Variants in CSMD1 observed in about 807,000 individuals in gnomAD.
CSMD1 encodes CUB and sushi domain-containing protein 1.
Under a neutral mutation model 417.5 loss-of-function variants are expected in CSMD1, and 213 were observed. That is an observed-to-expected ratio of 0.51 (90% CI 0.46 to 0.57). The LOEUF is 0.57. Among genes scored for constraint, CSMD1 ranks in the 20% least tolerant of loss-of-function variants. CSMD1 has a pLI of 0.00. For synonymous variants in CSMD1, 2,862 were observed against 1,736.8 expected (o/e 1.65, Z -16.11); for missense variants, 6,923 against 4,529.7 (o/e 1.53, Z -15.17).
chr8:4,027,302 G>C (rs1460177494), intron 4 of CSMD1, among the ~76,000 whole-genome samples: 1 of 152,166 alleles, frequency 6.6e-6, no homozygotes, highest in Non-Finnish European at 1.5e-5. Flanking sequence ...TGAGTCAGGA[G>C]TAGAAAGTAG....
chr8:3,789,440 GTGTT>G (rs1799613502), intron 5 of CSMD1, among the ~76,000 whole-genome samples: 4 of 60,518 alleles, frequency 6.6e-5, no homozygotes, highest in African/African-American at 2.0e-4. Flanking sequence ...TTTTTTTTAA[GTGTT>G]TTTTTTTTTT....
intron 3 of CSMD1, among the ~76,000 whole-genome samples, chr8:4,416,755 T>A (rs568787539): frequency 6.6e-6 from 1 of 152,134 alleles, no homozygotes; most frequent in Non-Finnish European, 1.5e-5. Context: ...CTTTGTCTCA[T>A]GTCAATTTTC....
intron 1 of CSMD1, among the ~76,000 whole-genome samples, chr8:4,807,571 T>A (rs35665807): frequency 6.6e-6 from 1 of 152,158 alleles, no homozygotes; most frequent in Non-Finnish European, 1.5e-5. Flanking sequence ...GCCTGAGCTT[T>A]GGAATGGGTT....
chr8:3,759,128 G>A (rs996518745), intron 5 of CSMD1, among the ~76,000 whole-genome samples: 3 of 152,186 alleles, frequency 2.0e-5, no homozygotes, highest in Non-Finnish European at 4.4e-5. Flanking sequence ...AACACGTGTT[G>A]GTTTAAGTCA....
intron 1 of CSMD1, among the ~76,000 whole-genome samples, chr8:4,900,708 T>A (rs1334035960): frequency 6.6e-6 from 1 of 152,218 alleles, no homozygotes; most frequent in Non-Finnish European, 1.5e-5. Flanking sequence ...TTAGAAAATC[T>A]GCTTCTCTCT....
chr8:4,624,954 C>T (rs117710142), intron 2 of CSMD1, among the ~76,000 whole-genome samples: 2,963 of 152,256 alleles, frequency 0.019, 52 homozygotes, highest in Non-Finnish European at 0.028. Context: ...GTTTTCATAA[C>T]ATAACTCTTT....
rs140695836 is a variant in CSMD1 at position 3,929,730 on chromosome 8, C to T, written c.818+68173G>A. On this transcript the variant is annotated intron_variant, in intron 5 of 69. Transcript: ENST00000635120. ...AGGCTGGAGTGCATTGGCACAATCT[C>T]GGCTCACTGCAACCTCAGCCTCCTG... 2.1e-4 allele frequency among the ~76,000 whole-genome samples: 32 copies of T among 149,730 alleles called. No individual in the cohort carries two copies. The East Asian group carries it at 3.1e-3, about 15-fold the overall frequency.
chr8:4,004,835 C>T (rs555241922), intron 4 of CSMD1, among the ~76,000 whole-genome samples: 4 of 152,244 alleles, frequency 2.6e-5, no homozygotes, highest in African/African-American at 4.8e-5. Flanking sequence ...AGCTCCGCCT[C>T]CCGGGTTCAC....
chr8:3,375,761 G>C (rs1032937086), intron 18 of CSMD1, among the ~76,000 whole-genome samples: 2 of 152,008 alleles, frequency 1.3e-5, no homozygotes, highest in African/African-American at 2.4e-5. Context: ...GTGATCGCTG[G>C]ACACTGCAGC....
intron 1 of CSMD1, among the ~76,000 whole-genome samples, chr8:4,975,166 C>G (rs924679222): frequency 1.3e-5 from 2 of 152,068 alleles, no homozygotes; most frequent in Non-Finnish European, 2.9e-5. Flanking sequence ...AAGAGGGAAC[C>G]AAGGTCCTAC....
chr8:3,342,109 A>G (rs1807697645), intron 23 of CSMD1, among the ~76,000 whole-genome samples: 1 of 152,192 alleles, frequency 6.6e-6, no homozygotes, highest in African/African-American at 2.4e-5. Flanking sequence ...TAGGCTTTCT[A>G]TTTACTCAGT....
At chr8:3,531,266 C>G (rs1311328621) in intron 10 of CSMD1, among the ~76,000 whole-genome samples, 1 of 152,098 alleles carries the variant, frequency 6.6e-6, no homozygotes, top group African/African-American at 2.4e-5. Context: ...TTTTATTCAC[C>G]ATGGATATTA....
chr8:4,448,633 ATAATT>A (rs965432650), intron 2 of CSMD1, among the ~76,000 whole-genome samples: 2 of 152,216 alleles, frequency 1.3e-5, no homozygotes, highest in African/African-American at 2.4e-5. Context: ...GTGGGAAAAT[ATAATT>A]TATTCACCAA....
intron 3 of CSMD1, among the ~76,000 whole-genome samples, chr8:4,206,176 T>C (rs557589140): frequency 3.3e-5 from 5 of 152,058 alleles, no homozygotes; most frequent in Non-Finnish European, 7.4e-5. Flanking sequence ...TGGAAATACA[T>C]GCTGAAAAAT....
intron 3 of CSMD1, among the ~76,000 whole-genome samples, chr8:4,047,495 C>A (rs765365364): frequency 6.6e-5 from 10 of 151,692 alleles, no homozygotes; most frequent in East Asian, 1.9e-4. Context: ...AGCGTAAATG[C>A]AGGGAAGGCA....
At chr8:4,397,664 T>C (rs143879308) in intron 3 of CSMD1, among the ~76,000 whole-genome samples, 2 of 151,736 alleles carry the variant, frequency 1.3e-5, no homozygotes, top group Admixed American at 6.6e-5. Flanking sequence ...CTGCTTTAAA[T>C]TGCGGCAGTA....
chr8:3,170,370 G>T (rs904660922), intron 37 of CSMD1, among the ~76,000 whole-genome samples: 12 of 152,222 alleles, frequency 7.9e-5, no homozygotes, highest in African/African-American at 2.9e-4. Context: ...ACCATACCTG[G>T]CTAATTGTTT....
Position 4,039,301 on chromosome 8 carries a change from T to C in CSMD1, c.416-7202A>G, listed in dbSNP as rs76229091. Among the ~76,000 whole-genome samples the C allele has an allele frequency of 2.2e-4, 34 of 152,296 alleles. No homozygotes were observed. In the East Asian group the frequency reaches 5.0e-3, roughly 22 times the overall value. ...ATTCCTTCATGATGTGTACTTTCTA[T>C]GTAAACCAACGATATCAAATGTGTT... is the stretch of plus-strand genomic sequence containing the variant. On this transcript the variant is annotated intron_variant, in intron 3 of 69. Transcript: ENST00000635120.
intron 3 of CSMD1, among the ~76,000 whole-genome samples, chr8:4,080,525 C>A (rs1402671371): frequency 6.6e-6 from 1 of 152,198 alleles, no homozygotes; most frequent in Non-Finnish European, 1.5e-5. Context: ...CTGATCAAGA[C>A]TGTCTTGTCC....
Sources: allele counts gnomAD v4.1 joint callset (sites outside exome capture counted in the v4.1 genomes callset), GRCh38; gene constraint gnomAD v4.1.1; transcripts MANE v1.5; gene names NCBI Gene and HGNC (gene_info 2026-07-23, HGNC 2026-07-21).